The following ACYP2 variants were observed in gnomAD, a reference collection of about 807,000 sequenced individuals.
ACYP2 encodes the protein acylphosphatase-2.
Under a neutral mutation model 11.2 loss-of-function variants are expected in ACYP2, and 12 were observed. The observed-to-expected ratio is 1.08, with a 90% CI of 0.69 to 1.74. The LOEUF (loss-of-function observed/expected upper bound fraction) is 1.74, where lower values mean the gene tolerates loss of function less well. Among genes scored for constraint, ACYP2 ranks in the 40% most tolerant of loss-of-function variants. The pLI is 0.00. For missense variants in ACYP2, 134 were observed against 101.9 expected (o/e 1.31, Z -1.35); for synonymous variants, 43 against 32.2 (o/e 1.33, Z -1.13).
At chr2:54,252,797 G>A (rs544976283) in intron 6 of ACYP2, among the ~76,000 whole-genome samples, 303 of 151,902 alleles carry the variant, frequency 2.0e-3, no homozygotes, top group African/African-American at 7.0e-3. Context: ...CCAGCTACTC[G>A]GGAGGCTGAG....
intron 6 of ACYP2, among the ~76,000 whole-genome samples, chr2:54,188,994 C>T (rs1254713722): frequency 1.3e-5 from 2 of 152,220 alleles, no homozygotes; most frequent in Non-Finnish European, 1.5e-5. Flanking sequence ...TCTCCTGGAT[C>T]ATTCCCATTG....
At chr2:53,973,596 T>C (rs1478729883) in intron 1 of ACYP2, 1 of 196,884 alleles carries the variant, frequency 5.1e-6, no homozygotes, top group East Asian at 1.1e-4. Context: ...CCCTTGAGAA[T>C]GTACTTTGTG....
intron 4 of ACYP2, among the ~76,000 whole-genome samples, chr2:54,126,045 C>A (rs1398663944): frequency 1.3e-5 from 2 of 152,122 alleles, no homozygotes; most frequent in Non-Finnish European, 2.9e-5. Context: ...TGCACCACTG[C>A]ACTCCAGCCT....
intron 4 of ACYP2, chr2:54,080,176 C>A (rs1677568010): frequency 1.2e-5 from 2 of 170,452 alleles, no homozygotes; most frequent in Admixed American, 1.1e-4. Context: ...ACAACTGCAG[C>A]CTTTGCTGTG....
chr2:54,260,977 A>T (rs985057097), intron 6 of ACYP2, among the ~76,000 whole-genome samples: 1 of 152,190 alleles, frequency 6.6e-6, no homozygotes, highest in Non-Finnish European at 1.5e-5. Flanking sequence ...AAAGCTGGAT[A>T]TGTATTCTAG....
At chr2:54,043,307 T>C (rs915018294) in intron 2 of ACYP2, among the ~76,000 whole-genome samples, 3 of 152,152 alleles carry the variant, frequency 2.0e-5, no homozygotes, top group African/African-American at 7.2e-5. Flanking sequence ...CTCAGACCAG[T>C]GGTTCTCAAC....
intron 6 of ACYP2, among the ~76,000 whole-genome samples, chr2:54,170,402 C>T (rs1169726079): frequency 1.3e-5 from 2 of 152,116 alleles, no homozygotes; most frequent in East Asian, 3.9e-4. Flanking sequence ...GTCTGCCTGC[C>T]TCCGCCTCCC....
intron 2 of ACYP2, among the ~76,000 whole-genome samples, chr2:53,996,223 C>T (rs1305921457): frequency 2.0e-5 from 3 of 152,054 alleles, no homozygotes; most frequent in East Asian, 3.9e-4. Context: ...TTGATAGATA[C>T]ATCCAGCTTT....
At chr2:54,024,363 C>T (rs1674164180) in intron 2 of ACYP2, among the ~76,000 whole-genome samples, 2 of 152,096 alleles carry the variant, frequency 1.3e-5, no homozygotes, top group African/African-American at 4.8e-5. Flanking sequence ...AAGACTCTGT[C>T]ACACACACAA....
chr2:54,054,650 T>C (rs1386338144), intron 3 of ACYP2, among the ~76,000 whole-genome samples: 2 of 152,248 alleles, frequency 1.3e-5, no homozygotes, highest in Non-Finnish European at 2.9e-5. Flanking sequence ...CTGGGTTAAC[T>C]CTACCACAAC....
chr2:54,044,636 G>A (rs747657388), intron 2 of ACYP2, among the ~76,000 whole-genome samples: 8 of 151,960 alleles, frequency 5.3e-5, no homozygotes, highest in South Asian at 2.1e-4. Flanking sequence ...GGAGGCAAAC[G>A]GTTTATTAAT....
At chr2:54,217,562 G>A (rs1228558510) in intron 6 of ACYP2, among the ~76,000 whole-genome samples, 2 of 151,716 alleles carry the variant, frequency 1.3e-5, no homozygotes, top group Admixed American at 6.6e-5. Flanking sequence ...TGGTATAGAT[G>A]GGGTTTCACC....
At chr2:54,267,651 TTATC>T (rs1688097843) in intron 6 of ACYP2, among the ~76,000 whole-genome samples, 1 of 152,206 alleles carries the variant, frequency 6.6e-6, no homozygotes, top group South Asian at 2.1e-4. Context: ...CTTGCTTTCT[TTATC>T]TACCTGGTTC....
At position 54,140,517 on chromosome 2, in the gene ACYP2, C is replaced by T. The variant is rs191186296; in HGVS notation, c.404+1769C>T. On this transcript the variant is annotated intron_variant, in intron 6 of 6. Coordinates refer to ENST00000607452, the MANE Select transcript of ACYP2 (RefSeq NM_001320586.2). ...ATTCTTCTGCTTGTCTCCATGTTCA[C>T]ATTCTCTCTCTCACACACACACACA... 6.4e-3 allele frequency among the ~76,000 whole-genome samples: 317 copies of T among 49,212 alleles called. 3 individuals are homozygous for T. The highest frequency in any genetic ancestry group is 0.025 in the African/African-American group (298 of 12,138). 32.3% of individuals were successfully genotyped at this position (49,212 alleles called of 152,430 possible).
At chr2:54,028,928 G>C (rs1450137729) in intron 2 of ACYP2, among the ~76,000 whole-genome samples, 1 of 152,170 alleles carries the variant, frequency 6.6e-6, no homozygotes, top group African/African-American at 2.4e-5. Context: ...AGAACTGGTG[G>C]CTGGAGGATC....
At chr2:54,122,449 A>G (rs940308216) in intron 4 of ACYP2, among the ~76,000 whole-genome samples, 1 of 152,144 alleles carries the variant, frequency 6.6e-6, no homozygotes, top group African/African-American at 2.4e-5. Context: ...TCCAGAGCAG[A>G]GTGTCTGTAA....
chr2:54,147,633 T>C (rs1263075053), intron 6 of ACYP2, among the ~76,000 whole-genome samples: 1 of 152,158 alleles, frequency 6.6e-6, no homozygotes, highest in East Asian at 1.9e-4. Context: ...CAAGTGATCC[T>C]CTTACCTCAG....
At position 53,987,358 on chromosome 2, in the gene ACYP2, TAA is replaced by T. The variant is rs758401897; in HGVS notation, c.62+13562_62+13563del. ...ATGCTTTTATGTATGTATACAAAGT[TAA>T]AAAAAAAAAAAAAGGAAGCAGTTCC... is the stretch of plus-strand genomic sequence containing the variant. On this transcript the variant is annotated intron_variant, in intron 2 of 6. Transcript: ENST00000607452. Among the ~76,000 whole-genome samples the T allele has an allele frequency of 9.0e-4, 123 of 137,240 alleles. 1 individual carries two copies. The South Asian group carries it at 0.014, about 16-fold the overall frequency. 90.0% of individuals were successfully genotyped at this position (137,240 alleles called of 152,430 possible).
At chr2:54,029,787 C>T in intron 2 of ACYP2, 1 of 585,164 alleles carries the variant, frequency 1.7e-6, no homozygotes, top group Non-Finnish European at 3.2e-6. Flanking sequence ...TCCAGTTTAG[C>T]CATGGTGACA....
Sources: allele counts gnomAD v4.1 joint callset (sites outside exome capture counted in the v4.1 genomes callset), GRCh38; gene constraint gnomAD v4.1.1; transcripts MANE v1.5; gene names NCBI Gene and HGNC (gene_info 2026-07-23, HGNC 2026-07-21).